The following ANKRD16 variants were observed in gnomAD, a reference collection of about 807,000 sequenced individuals.
ANKRD16 encodes the protein ankyrin repeat domain 16.
A neutral mutation model predicts 37.9 loss-of-function variants in ANKRD16; 35 were observed. The ratio of observed to expected loss-of-function variants is 0.92; its 90% confidence interval spans 0.71 to 1.23. ANKRD16 has a LOEUF of 1.23. Ranked by LOEUF, ANKRD16 falls within the 50% of genes most tolerant of loss-of-function variation. ANKRD16 has a pLI of 0.00. For synonymous variants in ANKRD16, 206 were observed against 197.2 expected (o/e 1.04, Z -0.37); for missense variants, 480 against 469.9 (o/e 1.02, Z -0.20).
rs1264282817 is a variant in ANKRD16, at chr10:5,868,631, C to A, written c.*34-5940G>T. ...AAGTAAGGGAATAAAAGCTGGCCAC[C>A]CCCAGCCAGCAGCGGCAACCCACTC... On this transcript the variant is annotated intron_variant, in intron 7 of 7. Transcript: ENST00000380094. This position sits in a 1 kb window ranked among gnomAD's most constrained non-coding sequence, Gnocchi z 4.9. 6.6e-6 allele frequency among the ~76,000 whole-genome samples: 1 copy of A among 152,090 alleles called. No homozygotes were observed. Among genetic ancestry groups the A allele is most frequent in the Non-Finnish European group, 1.5e-5 (1 of 68,026 alleles).
chr10:5,883,209 G>C (rs1171835319), intron 4 of ANKRD16, 42 bp from the exon 5 acceptor site: 8 of 1,595,414 alleles, frequency 5.0e-6, no homozygotes, highest in Non-Finnish European at 6.8e-6. Context: ...TCAAAGATAA[G>C]AAACAGGGCA....
intron 3 of ANKRD16, among the ~76,000 whole-genome samples, chr10:5,885,110 C>T (rs1842396955): frequency 6.6e-6 from 1 of 152,170 alleles, no homozygotes; most frequent in South Asian, 2.1e-4. Context: ...TGTTGAGTTC[C>T]AGGAGGGTAG....
intron 5 of ANKRD16, among the ~76,000 whole-genome samples, chr10:5,881,459 T>TATATATATATATATTTG (rs1842313049): frequency 7.8e-6 from 1 of 127,898 alleles, no homozygotes. Context: ...TATATATATA[T>TATATATATATATATTTG]ATATATATAT....
intron 5 of ANKRD16, among the ~76,000 whole-genome samples, chr10:5,881,468 A>ATATATATATATATATT (rs1842314032): frequency 7.6e-6 from 1 of 131,348 alleles, no homozygotes; most frequent in Non-Finnish European, 1.6e-5. Context: ...ATATATATAT[A>ATATATATATATATATT]TATATATATA....
In ANKRD16 at chr10:5,861,991, T is replaced by G; in HGVS notation, c.*734A>C. The G allele has an allele frequency of 6.6e-6, 1 of 151,838 alleles. No individual in the cohort carries two copies. Among genetic ancestry groups the G allele is most frequent in the Non-Finnish European group, 1.4e-5 (1 of 69,534 alleles). 9.4% of individuals were successfully genotyped at this position (151,838 alleles called of 1,614,324 possible). On this transcript the variant is annotated 3_prime_UTR_variant, in exon 8 of 8. Coordinates refer to ENST00000380094, the MANE Select transcript of ANKRD16 (RefSeq NM_019046.3). ...TATTCGGCTCACTGCAAGCTCTGCC[T>G]CCAGGGTTCACAGCATTCTCCTGCC...
Position 5,884,095 on chromosome 10 carries a change from A to C in ANKRD16, c.579-18T>G. The C allele has an allele frequency of 1.9e-6, 3 of 1,606,714 alleles. No homozygotes were observed. The highest frequency in any genetic ancestry group is 2.6e-6 in the Non-Finnish European group (3 of 1,174,642). ...ATTGGCACCTAGAGCCAAAACCCCA[A>C]GTAAGAGCTGAGAAAATTCAATACC... On this transcript the variant is annotated intron_variant, in intron 3 of 7. Coordinates refer to ENST00000380094, the MANE Select transcript of ANKRD16 (RefSeq NM_019046.3).
chr10:5,883,316 A>G (rs1842351668), intron 4 of ANKRD16, 149 bp from the exon 5 acceptor site: 5 of 867,834 alleles, frequency 5.8e-6, no homozygotes, highest in African/African-American at 1.7e-5. Context: ...TGATTTTCAA[A>G]GGATTCTTTT....
intron 6 of ANKRD16, among the ~76,000 whole-genome samples, chr10:5,879,657 T>C (rs1027112570): frequency 1.1e-4 from 16 of 152,148 alleles, no homozygotes; most frequent in Non-Finnish European, 1.6e-4. Context: ...CTGTGAAGAA[T>C]TGATACGATA....
At chr10:5,867,240 C>A (rs1402963392) in intron 7 of ANKRD16, among the ~76,000 whole-genome samples, 1 of 152,194 alleles carries the variant, frequency 6.6e-6, no homozygotes, top group African/African-American at 2.4e-5. Context: ...GGATCTAACT[C>A]TTAACTAATT....
intron 5 of ANKRD16, chr10:5,881,230 G>T: frequency 4.2e-6 from 1 of 240,090 alleles, no homozygotes; most frequent in Non-Finnish European, 6.7e-6. Context: ...CTGACCCAAT[G>T]CAGTTAGTTT....
rs542977857 is a variant in ANKRD16, at chr10:5,888,333, A to G, written c.315-266T>C. 2.6e-5 allele frequency among the ~76,000 whole-genome samples: 4 copies of G among 152,344 alleles called. No homozygotes were observed. In the South Asian group the frequency reaches 8.3e-4, roughly 32 times the overall value. Reference sequence around the variant, plus strand: ...GACAAAGCAGCTTATAAGCTAGTTCACAGGATAGCAGTGAATTGGAGCAGA... The same window carrying G: ...GACAAAGCAGCTTATAAGCTAGTTCGCAGGATAGCAGTGAATTGGAGCAGA... On this transcript the variant is annotated intron_variant, in intron 1 of 7. Coordinates refer to ENST00000380094, the MANE Select transcript of ANKRD16 (RefSeq NM_019046.3).
chr10:5,882,841 A>G, intron 5 of ANKRD16, 165 bp downstream of exon 5: 1 of 701,454 alleles, frequency 1.4e-6, no homozygotes, highest in Non-Finnish European at 2.2e-6. Context: ...TCAGGTTTCT[A>G]TTTAAAGAGA....
chr10:5,887,708 C>CCCGCCCCG (rs1433532977), intron 2 of ANKRD16, 139 bp downstream of exon 2: 1 of 194,012 alleles, frequency 5.2e-6, no homozygotes, highest in East Asian at 1.6e-4. Context: ...CCCTCCCCCC[C>CCCGCCCCG]AGATGTTCTT....
At chr10:5,885,000 A>G (rs984175458) in intron 3 of ANKRD16, among the ~76,000 whole-genome samples, 1 of 152,104 alleles carries the variant, frequency 6.6e-6, no homozygotes, top group African/African-American at 2.4e-5. Context: ...CTTAAGCCAA[A>G]TTGGGTCTTC....
At chr10:5,885,652 T>C in intron 3 of ANKRD16, 71 bp downstream of exon 3, 4 of 1,550,698 alleles carry the variant, frequency 2.6e-6, no homozygotes, top group South Asian at 2.3e-5. Context: ...CTGAGCTCTT[T>C]ATGTAGCACT....
chr10:5,883,908 A>C, intron 4 of ANKRD16, 61 bp downstream of exon 4: 15 of 1,465,812 alleles, frequency 1.0e-5, no homozygotes, highest in Non-Finnish European at 1.4e-5. Flanking sequence ...TGCTCTGCTT[A>C]ACCTGTGACC....
In ANKRD16 at chr10:5,883,181, G is replaced by A. The variant is rs1266772895; in HGVS notation, c.688-14C>T. On this transcript the variant is annotated splice_polypyrimidine_tract_variant and intron_variant, in intron 4 of 7. Transcript: ENST00000380094. ...TGAAAGGCAAGCCTAGTGGGCAGAG[G>A]AGAGAAAGGAGCAAAGGTCAAAGAT... 6.2e-7 allele frequency: 1 copy of A among 1,611,340 alleles called. No homozygotes were observed. The highest frequency in any genetic ancestry group is 8.5e-7 in the Non-Finnish European group (1 of 1,179,174).
intron 3 of ANKRD16, 122 bp from the exon 4 acceptor site, chr10:5,884,199 C>T (rs1842374230): frequency 1.5e-6 from 1 of 683,824 alleles, no homozygotes; most frequent in Non-Finnish European, 2.5e-6. Context: ...GCATGGAGCT[C>T]TCTCTATTCT....
intron 3 of ANKRD16, among the ~76,000 whole-genome samples, chr10:5,884,462 G>A (rs1390632147): frequency 1.3e-5 from 2 of 152,190 alleles, no homozygotes; most frequent in African/African-American, 4.8e-5. Flanking sequence ...TGGGCACAGT[G>A]GCTCACGACT....
Sources: gnomAD v4.1 joint callset for allele counts (sites outside exome capture counted in the v4.1 genomes callset) on GRCh38, gnomAD v4.1.1 for gene constraint, Gnocchi (gnomAD v3.1) non-coding constraint, MANE v1.5 for transcripts, NCBI Gene and HGNC (gene_info 2026-07-23, HGNC 2026-07-21) for gene names.